Variants in CCSER1 observed in about 807,000 individuals in gnomAD.
The protein encoded by CCSER1 is coiled-coil serine rich protein 1, also known as serine-rich coiled-coil domain-containing protein 1.
CCSER1 carries 41 observed loss-of-function variants against 82.0 expected under a neutral mutation model. The ratio of observed to expected loss-of-function variants is 0.50; its 90% confidence interval spans 0.39 to 0.65. The LOEUF (loss-of-function observed/expected upper bound fraction) is 0.65. Among genes scored for constraint, CCSER1 ranks in the 30% least tolerant of loss-of-function variants. CCSER1 has a pLI of 0.00. For synonymous variants in CCSER1, 414 were observed against 383.9 expected (o/e 1.08, Z -0.92); for missense variants, 1,119 against 1,064.2 (o/e 1.05, Z -0.72).
intron 10 of CCSER1, among the ~76,000 whole-genome samples, chr4:91,538,032 T>C (rs779729126): frequency 1.3e-5 from 2 of 152,064 alleles, no homozygotes; most frequent in Non-Finnish European, 2.9e-5. Flanking sequence ...TATGTTTGAC[T>C]GTTCTTAAAG....
intron 9 of CCSER1, among the ~76,000 whole-genome samples, chr4:91,040,216 A>T (rs1741843195): frequency 6.6e-6 from 1 of 152,162 alleles, no homozygotes; most frequent in African/African-American, 2.4e-5. Flanking sequence ...TTTAAAAATA[A>T]TAGCCTTAAT....
At chr4:90,178,550 C>T (rs74910457) in intron 1 of CCSER1, among the ~76,000 whole-genome samples, 1,791 of 151,832 alleles carry the variant, frequency 0.012, 47 homozygotes, top group African/African-American at 0.04. Context: ...TATTATGTGC[C>T]CTTACTAGGG....
intron 10 of CCSER1, among the ~76,000 whole-genome samples, chr4:91,259,800 A>G (rs1417044779): frequency 6.6e-6 from 1 of 152,166 alleles, no homozygotes; most frequent in Non-Finnish European, 1.5e-5. Flanking sequence ...ATAGCATTCC[A>G]TGGTGTATAT....
chr4:91,067,316 A>G (rs1176880058), intron 9 of CCSER1, among the ~76,000 whole-genome samples: 1 of 151,992 alleles, frequency 6.6e-6, no homozygotes, highest in Non-Finnish European at 1.5e-5. Flanking sequence ...ACACTGGTAC[A>G]ATAAGATGTT....
At chr4:90,298,862 C>T (rs997015842) in intron 1 of CCSER1, among the ~76,000 whole-genome samples, 1 of 151,940 alleles carries the variant, frequency 6.6e-6, no homozygotes, top group Non-Finnish European at 1.5e-5. Flanking sequence ...TACATGGAAC[C>T]GTAAGATTAT....
chr4:90,625,972 TTG>T (rs1723182431), intron 5 of CCSER1, among the ~76,000 whole-genome samples: 1 of 152,136 alleles, frequency 6.6e-6, no homozygotes, highest in Non-Finnish European at 1.5e-5. Context: ...TTCCTGAAAG[TTG>T]TGTCAGTCCT....
At chr4:90,805,365 G>A (rs1024235821) in intron 7 of CCSER1, among the ~76,000 whole-genome samples, 7 of 152,172 alleles carry the variant, frequency 4.6e-5, no homozygotes, top group South Asian at 2.1e-4. Context: ...TGTCCTTTGG[G>A]AGCTCAGTGA....
chr4:90,471,051 A>G (rs1260681399), intron 5 of CCSER1, among the ~76,000 whole-genome samples: 1 of 152,190 alleles, frequency 6.6e-6, no homozygotes, highest in Non-Finnish European at 1.5e-5. Context: ...TAATAATATT[A>G]TTATCACCAT....
chr4:90,249,016 T>C (rs1050776133), intron 1 of CCSER1, among the ~76,000 whole-genome samples: 14 of 152,248 alleles, frequency 9.2e-5, no homozygotes, highest in Admixed American at 4.6e-4. Flanking sequence ...AAAATCTTAA[T>C]TATTTTTGTT....
In CCSER1 at chr4:90,271,890, T is replaced by TA. The variant is rs373802428; in HGVS notation, c.-41-36350dup. Among the ~76,000 whole-genome samples the TA allele has an allele frequency of 5.5e-3, 386 of 69,900 alleles. 60 individuals carry two copies. Among genetic ancestry groups the TA allele is most frequent in the African/African-American group, 0.013 (243 of 18,230 alleles). The allele number at this position is 69,900 out of a possible 152,430, so 45.9% of individuals were successfully genotyped here. ...TTTTTTTTTTTTTTTTTTTTTTTTT[T>TA]AAAAGGAGGTTTAATTGACTCACAG... is the stretch of plus-strand genomic sequence containing the variant. On this transcript the variant is annotated intron_variant, in intron 1 of 10. Transcript: ENST00000509176.
intron 4 of CCSER1, among the ~76,000 whole-genome samples, chr4:90,422,814 G>A (rs1756902447): frequency 1.3e-5 from 2 of 152,144 alleles, no homozygotes; most frequent in South Asian, 4.1e-4. Context: ...AGGTTTAGAT[G>A]GAAAGAAATC....
chr4:91,298,437 T>A (rs1397341403), intron 10 of CCSER1, among the ~76,000 whole-genome samples: 1 of 152,006 alleles, frequency 6.6e-6, no homozygotes, highest in South Asian at 2.1e-4. Flanking sequence ...AAAGGAGGCC[T>A]GCCCTTGGCC....
At position 90,849,511 on chromosome 4, in the gene CCSER1, C is replaced by A. The variant is rs562192578; in HGVS notation, c.2094+33666C>A. On this transcript the variant is annotated intron_variant, in intron 8 of 10. Transcript: ENST00000509176. The stretch of plus-strand genomic sequence containing the variant: ...ATGCAATAGAAAAGAAAAACCCGGC[C>A]AGGTGTGGTGACTCATGCCTGCAAT... Among the ~76,000 whole-genome samples the A allele has an allele frequency of 4.6e-5, 7 of 152,070 alleles. No individual in the cohort carries two copies. In the South Asian group the frequency reaches 1.2e-3, roughly 27 times the overall value.
At chr4:90,761,860 A>G (rs1376576955) in intron 7 of CCSER1, among the ~76,000 whole-genome samples, 2 of 152,112 alleles carry the variant, frequency 1.3e-5, no homozygotes, top group Non-Finnish European at 2.9e-5. Context: ...GGCCAAAGTG[A>G]GAAGAGATGG....
Position 91,092,779 on chromosome 4 carries a change from C to A in CCSER1, c.2217+6785C>A, listed in dbSNP as rs1457504249. On this transcript the variant is annotated intron_variant, in intron 10 of 10. Coordinates refer to ENST00000509176, the MANE Select transcript of CCSER1 (RefSeq NM_001145065.2). ...TTTTCCTCTTTAGAAGAAGTAGGCA[C>A]CAGATCAGGTGTTTGAGGGAGTAGG... is the stretch of plus-strand genomic sequence containing the variant. Among the ~76,000 whole-genome samples the A allele has an allele frequency of 2.6e-5, 4 of 152,104 alleles. No homozygotes were observed. The South Asian group carries it at 6.2e-4, about 24-fold the overall frequency.
chr4:91,568,485 G>A (rs572708196), intron 10 of CCSER1, among the ~76,000 whole-genome samples: 6 of 152,246 alleles, frequency 3.9e-5, no homozygotes, highest in African/African-American at 1.2e-4. Context: ...TGGGAAGCCA[G>A]TGATTCATTG....
chr4:91,525,107 G>T (rs1203367359), intron 10 of CCSER1, among the ~76,000 whole-genome samples: 1 of 152,128 alleles, frequency 6.6e-6, no homozygotes, highest in Admixed American at 6.5e-5. Flanking sequence ...CAGTGAGGGA[G>T]ATTCTAGGGC....
chr4:90,247,938 A>G (rs1482654404), intron 1 of CCSER1, among the ~76,000 whole-genome samples: 1 of 152,130 alleles, frequency 6.6e-6, no homozygotes, highest in Admixed American at 6.6e-5. Flanking sequence ...TATTTACCAT[A>G]AATTTTCCAG....
At chr4:90,673,230 A>G (rs911076484) in intron 6 of CCSER1, among the ~76,000 whole-genome samples, 1 of 152,024 alleles carries the variant, frequency 6.6e-6, no homozygotes, top group Non-Finnish European at 1.5e-5. Context: ...ACAATATTCA[A>G]TATTCAACTA....
Sources: gnomAD v4.1 joint callset for allele counts (sites outside exome capture counted in the v4.1 genomes callset) on GRCh38, gnomAD v4.1.1 for gene constraint, MANE v1.5 for transcripts, NCBI Gene and HGNC (gene_info 2026-07-23, HGNC 2026-07-21) for gene names.